The following FER1L5 variants were observed in gnomAD, a reference collection of about 807,000 sequenced individuals.
FER1L5 encodes the protein fer-1 like family member 5.
In FER1L5, 187 loss-of-function variants were observed where a neutral mutation model predicts 279.9. That is an observed-to-expected ratio of 0.67 (90% CI 0.59 to 0.75). The LOEUF is 0.75. Among genes scored for constraint, FER1L5 ranks in the 30% least tolerant of loss-of-function variants. FER1L5 has a pLI of 0.00. For missense variants in FER1L5, 2,091 were observed against 2,594.4 expected, an observed-to-expected ratio of 0.81 and a Z score of 4.21; for synonymous variants, 921 against 989.7, an observed-to-expected ratio of 0.93 and a Z score of 1.30.
chr2:96,652,602 G>A (rs1306050061), intron 7 of FER1L5: 1 of 158,542 alleles, frequency 6.3e-6, no homozygotes, highest in Non-Finnish European at 1.4e-5. Flanking sequence ...TCAAAGGCCT[G>A]GAACCAAGCA....
chr2:96,655,784 A>G (rs2075574842), intron 9 of FER1L5, among the ~76,000 whole-genome samples: 1 of 152,110 alleles, frequency 6.6e-6, no homozygotes, highest in Admixed American at 6.5e-5. Flanking sequence ...ATCCCGGCTC[A>G]CTGCAGCCTT....
At position 96,647,755 on chromosome 2, in the gene FER1L5, A is replaced by G. The variant is rs1487159128; in HGVS notation, c.231-23A>G. ...ACTCTTTCCCCTGGCTCAGGATCTC[A>G]CATCTGCTCCTTGTCTCCCCAGATT... On this transcript the variant is annotated intron_variant, in intron 3 of 52. Transcript: ENST00000624922. 5 of 1,522,180 alleles carry G rather than the reference A, an allele frequency of 3.3e-6. No individual in the cohort carries two copies. In the African/African-American group the frequency reaches 4.1e-5, roughly 13 times the overall value. 94.3% of individuals were successfully genotyped at this position (1,522,180 alleles called of 1,614,324 possible).
At chr2:96,684,706 A>C (rs537974582) in intron 20 of FER1L5, among the ~76,000 whole-genome samples, 2 of 152,178 alleles carry the variant, frequency 1.3e-5, no homozygotes, top group Non-Finnish European at 2.9e-5. Flanking sequence ...TAGGGCTATG[A>C]TGGAGATGCA....
chr2:96,699,442 C>CA (rs2077506917), intron 42 of FER1L5, 108 bp from the exon 43 acceptor site: 1 of 1,288,434 alleles, frequency 7.8e-7, no homozygotes, highest in Non-Finnish European at 1.1e-6. Context: ...CTGCTCTCCA[C>CA]AATCTCCATG....
intron 9 of FER1L5, among the ~76,000 whole-genome samples, chr2:96,658,447 G>A (rs1254256648): frequency 6.6e-6 from 1 of 151,370 alleles, no homozygotes; most frequent in Non-Finnish European, 1.5e-5. Flanking sequence ...CTCCCGAGTA[G>A]CTGGGATTAC....
chr2:96,690,008 C>T (rs2077081185), intron 26 of FER1L5, among the ~76,000 whole-genome samples: 1 of 152,176 alleles, frequency 6.6e-6, no homozygotes, highest in African/African-American at 2.4e-5. Flanking sequence ...AGGCCTCCTT[C>T]AAAGGTGCTG....
chr2:96,695,013 C>G (rs551584235), intron 34 of FER1L5: 2 of 155,690 alleles, frequency 1.3e-5, no homozygotes, highest in Admixed American at 6.5e-5. Flanking sequence ...CTTTAGGCCC[C>G]GAGGAGGCCC....
At chr2:96,673,659 C>T (rs2076409631) in intron 19 of FER1L5, among the ~76,000 whole-genome samples, 1 of 152,190 alleles carries the variant, frequency 6.6e-6, no homozygotes, top group African/African-American at 2.4e-5. Flanking sequence ...CCCCTCCAGC[C>T]GTTCATTCAC....
intron 37 of FER1L5, among the ~76,000 whole-genome samples, chr2:96,696,718 C>T (rs547992352): frequency 1.9e-4 from 29 of 152,018 alleles, no homozygotes; most frequent in Non-Finnish European, 3.2e-4. Flanking sequence ...CTGGCCAACA[C>T]GGTGAAACCC....
Position 96,695,706 on chromosome 2 carries a change from G to A in FER1L5, c.3895-36G>A, listed in dbSNP as rs751131604. The A allele has an allele frequency of 1.4e-5, 22 of 1,607,846 alleles. No homozygotes were observed. In the South Asian group the frequency reaches 2.3e-4, roughly 17 times the overall value. On this transcript the variant is annotated intron_variant, in intron 35 of 52. Transcript: ENST00000624922. Reference sequence around the variant, plus strand: ...GGGCTGGGCAGCCCTCTTCTTCTGTGGGTCTCACGCTCCCCACGTCTCCTC... The same window carrying A: ...GGGCTGGGCAGCCCTCTTCTTCTGTAGGTCTCACGCTCCCCACGTCTCCTC...
At chr2:96,663,628 C>T (rs1475156510) in intron 14 of FER1L5, 121 bp downstream of exon 14, 1 of 1,078,132 alleles carries the variant, frequency 9.3e-7, no homozygotes, top group African/African-American at 1.6e-5. Flanking sequence ...AAGGGGGACT[C>T]TGCCTGATAG....
At chr2:96,653,742 G>T (rs1211701771) in intron 8 of FER1L5, 40 bp downstream of exon 8, 24 of 1,475,468 alleles carry the variant, frequency 1.6e-5, no homozygotes, top group East Asian at 9.9e-5. Flanking sequence ...TGGGTTTCTT[G>T]TCCCACTTCA....
intron 19 of FER1L5, among the ~76,000 whole-genome samples, chr2:96,678,503 G>C (rs773771214): frequency 6.6e-6 from 1 of 151,726 alleles, no homozygotes; most frequent in Non-Finnish European, 1.5e-5. Flanking sequence ...GTGCAATCAC[G>C]GGCTCATGGC....
At chr2:96,685,486 C>T (rs1170997540) in intron 21 of FER1L5, 57 bp downstream of exon 21, 6 of 1,457,208 alleles carry the variant, frequency 4.1e-6, no homozygotes, top group Non-Finnish European at 5.6e-6. Flanking sequence ...AGATCTGGGC[C>T]TGGGGACTCA....
At chr2:96,685,729 G>A (rs2076897570) in intron 21 of FER1L5, among the ~76,000 whole-genome samples, 1 of 152,202 alleles carries the variant, frequency 6.6e-6, no homozygotes, top group South Asian at 2.1e-4. Flanking sequence ...GCCCTGGGAG[G>A]AAGGGAGAGG....
chr2:96,654,726 T>C (rs2106466354), intron 9 of FER1L5: 1 of 254,142 alleles, frequency 3.9e-6, no homozygotes, highest in Non-Finnish European at 7.4e-6. Flanking sequence ...AGTGAAACCC[T>C]GTCTCTACTA....
At position 96,668,726 on chromosome 2, in the gene FER1L5, C is replaced by T. The variant is rs1411807047; in HGVS notation, c.1141-25C>T. The T allele has an allele frequency of 9.7e-6, 15 of 1,551,288 alleles. No homozygotes were observed. In the South Asian group the frequency reaches 1.3e-4, roughly 14 times the overall value. ...CCAGACCATCCCAATGTGTACCCAC[C>T]GCACCTCTCTCCTTCCCTCCACAGC... On this transcript the variant is annotated intron_variant, in intron 14 of 52. Coordinates refer to ENST00000624922, the MANE Select transcript of FER1L5 (RefSeq NM_001293083.2).
chr2:96,694,504 CG>C lies in FER1L5; in HGVS notation c.3741+45del. 1.4e-6 allele frequency: 2 copies of C among 1,479,438 alleles called. No individual in the cohort carries two copies. Among genetic ancestry groups the C allele is most frequent in the Non-Finnish European group, 1.8e-6 (2 of 1,099,398 alleles). The allele number at this position is 1,479,438 out of a possible 1,614,324, so 91.6% of individuals were successfully genotyped here. On this transcript the variant is annotated intron_variant, in intron 34 of 52. Coordinates refer to ENST00000624922, the MANE Select transcript of FER1L5 (RefSeq NM_001293083.2). This position sits in a 1 kb window ranked among gnomAD's most constrained non-coding sequence, Gnocchi z 4.6. ...GGATGGGGACGGTGGGCAGGACAGG[CG>C]GGGGTGGTCTGGAGTGCGCTGCAGC... is the stretch of plus-strand genomic sequence containing the variant.
Position 96,703,291 on chromosome 2 carries a change from C to T in FER1L5, c.5636C>T (p.Thr1879Ile), listed in dbSNP as rs1201534992. The T allele has an allele frequency of 6.2e-7, 1 of 1,613,726 alleles. No homozygotes were observed. The stretch of plus-strand genomic sequence containing the variant: ...CACTTCTCCCTCTTTAAGAAGAAGA[C>T]TGTGACTGGCTGGTGGCCTTGCCAG... ...YKHFSLFKKK[T>I]VTGWWPCQVL... Residue 1879 changes from threonine to isoleucine, a missense_variant, in exon 50 of 53, where the codon ACT (threonine) becomes ATT (isoleucine). By Grantham distance (89) the Thr-to-Ile change is moderately conservative (BLOSUM62 -1). Coordinates refer to ENST00000624922, the MANE Select transcript of FER1L5 (RefSeq NM_001293083.2).
Sources: allele counts gnomAD v4.1 joint callset (sites outside exome capture counted in the v4.1 genomes callset), GRCh38; gene constraint gnomAD v4.1.1; non-coding constraint Gnocchi (gnomAD v3.1); transcripts MANE v1.5; gene names NCBI Gene and HGNC (gene_info 2026-07-23, HGNC 2026-07-21).